HUNK: variants seen among roughly 807,000 people sequenced by gnomAD.
HUNK encodes the protein hormonally up-regulated neu tumor-associated kinase.
In HUNK, 21 loss-of-function variants were observed where a neutral mutation model predicts 61.0. The ratio of observed to expected loss-of-function variants is 0.34; its 90% confidence interval spans 0.24 to 0.50. HUNK has a LOEUF of 0.50. Among genes scored for constraint, HUNK ranks in the 20% least tolerant of loss-of-function variants. The pLI is 0.98. For missense variants in HUNK, 772 were observed against 945.7 expected, an observed-to-expected ratio of 0.82 and a Z score of 2.41; for synonymous variants, 371 against 386.1, an observed-to-expected ratio of 0.96 and a Z score of 0.46.
At chr21:31,994,623 A>T (rs2053191148) in intron 9 of HUNK, among the ~76,000 whole-genome samples, 1 of 152,212 alleles carries the variant, frequency 6.6e-6, no homozygotes, top group African/African-American at 2.4e-5. Context: ...CTGGAAAAAG[A>T]ACTGCTGCTG....
At chr21:31,990,585 G>T (rs1217906211) in intron 9 of HUNK, among the ~76,000 whole-genome samples, 1 of 151,536 alleles carries the variant, frequency 6.6e-6, no homozygotes, top group Admixed American at 6.6e-5. Flanking sequence ...GCCCAGGCTG[G>T]AGTGCAATGT....
rs149270579 is a variant in HUNK, at chr21:31,924,958, G to T, written c.554+198G>T. Among the ~76,000 whole-genome samples, 2,271 of 152,202 alleles carry T rather than the reference G, an allele frequency of 0.015. 54 individuals are homozygous for T. The highest frequency in any genetic ancestry group is 0.052 in the African/African-American group (2,168 of 41,508). On this transcript the variant is annotated intron_variant, in intron 2 of 10. Coordinates refer to ENST00000270112, the MANE Select transcript of HUNK (RefSeq NM_014586.2). The surrounding 1 kb of genome is among the most constrained non-coding windows in gnomAD (Gnocchi z 5.1). Reference sequence around the variant, plus strand: ...GTTGCCCAGGCTGGAGTGCAATGGCGCAGTCATGGCTCACTGCAACCTCCG... The same window carrying T: ...GTTGCCCAGGCTGGAGTGCAATGGCTCAGTCATGGCTCACTGCAACCTCCG...
chr21:31,947,125 A>G (rs919451898), intron 4 of HUNK, among the ~76,000 whole-genome samples: 1 of 147,270 alleles, frequency 6.8e-6, no homozygotes, highest in Non-Finnish European at 1.5e-5. Flanking sequence ...ATGCATTCCC[A>G]CAGCCCATTC....
At chr21:31,929,426 T>G (rs955020890) in intron 2 of HUNK, among the ~76,000 whole-genome samples, 1 of 152,190 alleles carries the variant, frequency 6.6e-6, no homozygotes, top group African/African-American at 2.4e-5. Flanking sequence ...TTGTCTAAGC[T>G]TCTCTAAAAT....
chr21:31,926,815 G>C (rs1384129418), intron 2 of HUNK, among the ~76,000 whole-genome samples: 1 of 152,024 alleles, frequency 6.6e-6, no homozygotes, highest in Non-Finnish European at 1.5e-5. Flanking sequence ...TCCACTCTTA[G>C]GAGTGGAATT....
chr21:31,958,956 C>CT lies in HUNK; in HGVS notation c.861dup (p.Gln288SerfsTer34). 1 of 1,606,982 alleles carries CT rather than the reference C, an allele frequency of 6.2e-7. No homozygotes were observed. The highest frequency in any genetic ancestry group is 8.5e-7 in the Non-Finnish European group (1 of 1,177,482). On this transcript the variant is annotated frameshift_variant, in exon 5 of 11. Transcript: ENST00000270112. LOFTEE classifies it high-confidence loss of function. ...GACAAAGAAATGAACCCCCTCCCCA[C>CT]TCAGCTCTCCACAGGTAATGCACCA...
intron 3 of HUNK, among the ~76,000 whole-genome samples, chr21:31,945,397 T>G (rs1304167050): frequency 6.6e-6 from 1 of 152,212 alleles, no homozygotes; most frequent in Non-Finnish European, 1.5e-5. Context: ...TAGTCTAGTT[T>G]GCATTGCCAT....
At chr21:31,909,215 G>GT (rs1464779823) in intron 1 of HUNK, among the ~76,000 whole-genome samples, 1 of 152,150 alleles carries the variant, frequency 6.6e-6, no homozygotes, top group Non-Finnish European at 1.5e-5. Flanking sequence ...AAGCCCCACC[G>GT]TTGTCTGTAC....
intron 6 of HUNK, among the ~76,000 whole-genome samples, chr21:31,971,962 G>A (rs985546889): frequency 5.3e-5 from 8 of 151,916 alleles, no homozygotes; most frequent in African/African-American, 1.9e-4. Flanking sequence ...TATAGTAGAG[G>A]GACTACAGGC....
At chr21:31,992,887 G>A (rs553081496) in intron 9 of HUNK, among the ~76,000 whole-genome samples, 8 of 152,322 alleles carry the variant, frequency 5.3e-5, no homozygotes, top group African/African-American at 1.7e-4. Flanking sequence ...ACCCTTCTGC[G>A]TGGACTGACT....
intron 1 of HUNK, among the ~76,000 whole-genome samples, chr21:31,878,912 A>T (rs1384492693): frequency 1.3e-5 from 2 of 152,162 alleles, no homozygotes; most frequent in Non-Finnish European, 2.9e-5. Flanking sequence ...ACATAAAATG[A>T]TTGGTTAAGA....
At chr21:31,990,231 A>G in intron 9 of HUNK, 55 bp downstream of exon 9, 1 of 1,434,622 alleles carries the variant, frequency 7.0e-7, no homozygotes, top group East Asian at 2.3e-5. Flanking sequence ...AAACAGAACC[A>G]ATAGAGTATG....
intron 4 of HUNK, among the ~76,000 whole-genome samples, chr21:31,949,522 CAGTT>C (rs542417754): frequency 2.0e-4 from 31 of 152,058 alleles, no homozygotes; most frequent in East Asian, 9.7e-4. Flanking sequence ...ACTTTCTTAA[CAGTT>C]AGAGAAGTCA....
intron 1 of HUNK, among the ~76,000 whole-genome samples, chr21:31,920,284 C>T (rs1369654089): frequency 6.6e-6 from 1 of 152,256 alleles, no homozygotes; most frequent in Non-Finnish European, 1.5e-5. Flanking sequence ...CACTTAATAA[C>T]TTCTGCAAAG....
chr21:32,002,444 G>A lies in HUNK; in HGVS notation c.*3260G>A, dbSNP rs139965158. 4.1e-4 allele frequency: 62 copies of A among 152,312 alleles called. No individual in the cohort carries two copies. Among genetic ancestry groups the A allele is most frequent in the African/African-American group, 1.5e-3 (61 of 41,564 alleles). The allele number at this position is 152,312 out of a possible 1,614,324, so 9.4% of individuals were successfully genotyped here. Reference sequence around the variant, plus strand: ...TGGAAACAAGCGGGAATTGCATTGGGGGGCATTTTCTGGGCCAGTTTCCCT... The same window carrying A: ...TGGAAACAAGCGGGAATTGCATTGGAGGGCATTTTCTGGGCCAGTTTCCCT... On this transcript the variant is annotated 3_prime_UTR_variant, in exon 11 of 11. Transcript: ENST00000270112.
chr21:31,941,869 C>T (rs2052771087), intron 3 of HUNK, among the ~76,000 whole-genome samples: 1 of 152,052 alleles, frequency 6.6e-6, no homozygotes, highest in South Asian at 2.1e-4. Context: ...CCTAACAGCA[C>T]CAGAGACTAT....
rs113286665 is a variant in HUNK at position 31,919,113 on chromosome 21, C to T, written c.262-5355C>T. ...TATGAGGAGGAGGGGCTGGACTGAG[C>T]GGTATGAGGATGAGGGGCTGGACTG... On this transcript the variant is annotated intron_variant, in intron 1 of 10. Coordinates refer to ENST00000270112, the MANE Select transcript of HUNK (RefSeq NM_014586.2). Among the ~76,000 whole-genome samples the T allele has an allele frequency of 3.2e-3, 169 of 53,528 alleles. 3 individuals carry two copies. The highest frequency in any genetic ancestry group is 0.016 in the Middle Eastern group (1 of 64). The allele number at this position is 53,528 out of a possible 152,430, so 35.1% of individuals were successfully genotyped here.
chr21:31,997,485 C>T (rs1174044306), intron 10 of HUNK, among the ~76,000 whole-genome samples: 1 of 152,214 alleles, frequency 6.6e-6, no homozygotes, highest in Admixed American at 6.5e-5. Context: ...ACGCCAGTCC[C>T]TAAAGGCGGA....
chr21:31,912,655 C>T (rs903260145), intron 1 of HUNK, among the ~76,000 whole-genome samples: 4 of 152,106 alleles, frequency 2.6e-5, no homozygotes, highest in Admixed American at 6.5e-5. Flanking sequence ...CCTTTTCCCA[C>T]GTCAGCCTCT....
Sources: allele counts gnomAD v4.1 joint callset (sites outside exome capture counted in the v4.1 genomes callset), GRCh38; gene constraint gnomAD v4.1.1; non-coding constraint Gnocchi (gnomAD v3.1); transcripts MANE v1.5; gene names NCBI Gene and HGNC (gene_info 2026-07-23, HGNC 2026-07-21).